Variants in GMEB1 observed in about 807,000 individuals in gnomAD.
GMEB1 encodes the protein glucocorticoid modulatory element binding protein 1.
Under a neutral mutation model 52.4 loss-of-function variants are expected in GMEB1, and 6 were observed. That is an observed-to-expected ratio of 0.11 (90% confidence interval 0.06 to 0.23). GMEB1 has a LOEUF of 0.23. Among genes scored for constraint, GMEB1 ranks in the 10% least tolerant of loss-of-function variants. GMEB1 has a pLI of 1.00. For missense variants in GMEB1, 486 were observed against 685.6 expected, an observed-to-expected ratio of 0.71 and a Z score of 3.25; for synonymous variants, 255 against 244.9, an observed-to-expected ratio of 1.04 and a Z score of -0.38.
chr1:28,690,223 TTGTCATTCTAATACC>T, intron 3 of GMEB1, 37 bp downstream of exon 3: 1 of 992,652 alleles, frequency 1.0e-6, no homozygotes. Context: ...TTTTTTTTTT[TTGTCATTCTAATACC>T]TTTGACTTTA....
intron 6 of GMEB1, 28 bp from the exon 7 acceptor site, chr1:28,702,403 ATTCACTG>A: frequency 6.3e-7 from 1 of 1,592,254 alleles, no homozygotes; most frequent in Non-Finnish European, 8.6e-7. Context: ...TTTTCGTTAA[ATTCACTG>A]TTCTCACCTC....
At chr1:28,707,455 G>A (rs995512750) in intron 8 of GMEB1, among the ~76,000 whole-genome samples, 1 of 152,028 alleles carries the variant, frequency 6.6e-6, no homozygotes. Flanking sequence ...GATTAGAGTG[G>A]GTAGCGGTAA....
At chr1:28,684,692 G>A (rs1669557399) in intron 2 of GMEB1, among the ~76,000 whole-genome samples, 1 of 151,690 alleles carries the variant, frequency 6.6e-6, no homozygotes, top group Admixed American at 6.6e-5. Context: ...TAAACAATGA[G>A]AACACATGGA....
At chr1:28,671,062 C>T (rs1049756042) in intron 1 of GMEB1, among the ~76,000 whole-genome samples, 4 of 152,132 alleles carry the variant, frequency 2.6e-5, no homozygotes, top group Non-Finnish European at 4.4e-5. Context: ...CTTAGAATTT[C>T]ACCTCCTCTG....
Position 28,714,903 on chromosome 1 carries a change from T to A in GMEB1, c.*130T>A. On this transcript the variant is annotated 3_prime_UTR_variant, in exon 10 of 10. Transcript: ENST00000373816. The stretch of plus-strand genomic sequence containing the variant: ...AAAAAAAAACAAAATCTTATTGTTG[T>A]AACTGAAAATGTTGGGTTCTTCCCA... 1.4e-6 allele frequency: 1 copy of A among 698,538 alleles called. No homozygotes were observed. Among genetic ancestry groups the A allele is most frequent in the Non-Finnish European group, 2.3e-6 (1 of 431,066 alleles). The allele number at this position is 698,538 out of a possible 1,614,324, so 43.3% of individuals were successfully genotyped here.
intron 9 of GMEB1, 30 bp downstream of exon 9, chr1:28,710,672 G>T: frequency 6.9e-7 from 1 of 1,444,576 alleles, no homozygotes; most frequent in Non-Finnish European, 9.2e-7. Flanking sequence ...CTTCTTCGGT[G>T]ATATCATGCT....
At position 28,692,971 on chromosome 1, in the gene GMEB1, C is replaced by G; in HGVS notation, c.366C>G (p.His122Gln). 6.8e-6 allele frequency: 11 copies of G among 1,608,314 alleles called. No homozygotes were observed. Among genetic ancestry groups the G allele is most frequent in the Non-Finnish European group, 9.3e-6 (11 of 1,176,638 alleles). Residue 122 changes from histidine (H) to glutamine (Q), a missense_variant, in exon 5 of 10, where the codon CAC (histidine) becomes CAG (glutamine). Around this residue, in one of 5 missense-constraint regions of GMEB1, gnomAD observed 43 missense variants for 117.5 expected, o/e 0.37. Coordinates refer to ENST00000373816, the MANE Select transcript of GMEB1 (RefSeq NM_001319674.2). Reference protein sequence around the residue: ...KFNDQLISPKHFVHLAGKSTL... With the variant: ...KFNDQLISPKQFVHLAGKSTL... ...ATGATCAGTTGATCAGCCCCAAGCA[C>G]TTTGTTCATCTGGCTGGCAAGTCCA...
intron 2 of GMEB1, among the ~76,000 whole-genome samples, chr1:28,688,179 A>C (rs1272785262): frequency 6.6e-6 from 1 of 152,180 alleles, no homozygotes; most frequent in East Asian, 1.9e-4. Flanking sequence ...GCTACTCGGG[A>C]GGCTGAGGCA....
intron 8 of GMEB1, among the ~76,000 whole-genome samples, chr1:28,705,445 CTTTTTTT>C (rs34597945): frequency 4.1e-5 from 5 of 123,088 alleles, no homozygotes; most frequent in Non-Finnish European, 8.5e-5. Flanking sequence ...TATGTATTTT[CTTTTTTT>C]TTTTTTTTTT....
intron 4 of GMEB1, among the ~76,000 whole-genome samples, chr1:28,692,249 T>G (rs1443997171): frequency 1.4e-5 from 2 of 143,124 alleles, no homozygotes; most frequent in African/African-American, 5.2e-5. Flanking sequence ...AAAAAACTAT[T>G]GGCTGGGTGA....
chr1:28,682,631 A>C (rs1669444473), intron 1 of GMEB1, among the ~76,000 whole-genome samples: 1 of 151,648 alleles, frequency 6.6e-6, no homozygotes, highest in East Asian at 1.9e-4. Context: ...AAAAAAAAAA[A>C]AAAAAAAAAG....
At chr1:28,689,769 C>G (rs964625904) in intron 2 of GMEB1, 11 of 188,206 alleles carry the variant, frequency 5.8e-5, no homozygotes, top group Non-Finnish European at 3.3e-5. Context: ...AACTAAAAAG[C>G]ATGGACTGTT....
In GMEB1 at chr1:28,692,201, T is replaced by C. The variant is rs190409070; in HGVS notation, c.336+492T>C. Among the ~76,000 whole-genome samples, 406 of 151,478 alleles carry C rather than the reference T, an allele frequency of 2.7e-3. 2 individuals are homozygous for C. Among genetic ancestry groups the C allele is most frequent in the African/African-American group, 9.5e-3 (394 of 41,280 alleles). On this transcript the variant is annotated intron_variant, in intron 4 of 9. Coordinates refer to ENST00000373816, the MANE Select transcript of GMEB1 (RefSeq NM_001319674.2). ...AATTTTTTGTAGAGATGGGGGGTTT[T>C]GCTATGTTGCCTAGGCTGGAAAACC...
At chr1:28,675,533 C>T (rs753746248) in intron 1 of GMEB1, among the ~76,000 whole-genome samples, 8 of 151,664 alleles carry the variant, frequency 5.3e-5, no homozygotes, top group Non-Finnish European at 8.8e-5. Context: ...TAAAAAAAGC[C>T]GAGCATGGTG....
Position 28,687,368 on chromosome 1 carries a change from ACACACAC to A in GMEB1, c.129-2735_129-2729del, listed in dbSNP as rs1402917029. 3.7e-3 allele frequency among the ~76,000 whole-genome samples: 265 copies of A among 71,372 alleles called. 15 individuals are homozygous for A. The highest frequency in any genetic ancestry group is 0.013 in the African/African-American group (249 of 19,826). 46.8% of individuals were successfully genotyped at this position (71,372 alleles called of 152,430 possible). On this transcript the variant is annotated intron_variant, in intron 2 of 9. Coordinates refer to ENST00000373816, the MANE Select transcript of GMEB1 (RefSeq NM_001319674.2). ...CACACACACACACACACACACACAC[ACACACAC>A]ACACACACACACAAAAAAAGACAGT...
chr1:28,701,942 A>G (rs559975460), intron 6 of GMEB1, among the ~76,000 whole-genome samples: 13 of 152,238 alleles, frequency 8.5e-5, no homozygotes, highest in Admixed American at 2.0e-4. Context: ...TCTGATTTTT[A>G]TGGTCTCCAT....
In GMEB1 at chr1:28,711,262, A is replaced by C. The variant is rs1211965818; in HGVS notation, c.991+620A>C. Among the ~76,000 whole-genome samples the C allele has an allele frequency of 2.7e-5, 4 of 150,470 alleles. No individual in the cohort carries two copies. The East Asian group carries it at 7.9e-4, about 30-fold the overall frequency. ...AATAGTGCCATTGTACTCCATCCTG[A>C]GGGACAAGAACGAGACTCTGTCTCA... On this transcript the variant is annotated intron_variant, in intron 9 of 9. Transcript: ENST00000373816.
At position 28,698,391 on chromosome 1, in the gene GMEB1, G is replaced by A. The variant is rs1274607507; in HGVS notation, c.598+1307G>A. On this transcript the variant is annotated intron_variant, in intron 6 of 9. Coordinates refer to ENST00000373816, the MANE Select transcript of GMEB1 (RefSeq NM_001319674.2). ...GACTCCGTCTTAAAAAAAAAAAAAA[G>A]AAGCCTGGGCATGGTGGCTCACGCC... 2.9e-3 allele frequency among the ~76,000 whole-genome samples: 433 copies of A among 148,070 alleles called. 2 individuals carry two copies. The highest frequency in any genetic ancestry group is 0.01 in the African/African-American group (420 of 40,390).
In GMEB1 at chr1:28,682,452, T is replaced by C. The variant is rs1669433703; in HGVS notation, c.-30-1131T>C. On this transcript the variant is annotated intron_variant, in intron 1 of 9. Coordinates refer to ENST00000373816, the MANE Select transcript of GMEB1 (RefSeq NM_001319674.2). Reference sequence around the variant, plus strand: ...CTGGCCAACACGGTGAAATCCCGTCTGTACTAAAAATCCAAAAATTAGCTG... The same window carrying C: ...CTGGCCAACACGGTGAAATCCCGTCCGTACTAAAAATCCAAAAATTAGCTG... 2.0e-5 allele frequency among the ~76,000 whole-genome samples: 3 copies of C among 151,926 alleles called. No individual in the cohort carries two copies. In the South Asian group the frequency reaches 6.2e-4, roughly 32 times the overall value.
Sources: gnomAD v4.1 joint callset for allele counts (sites outside exome capture counted in the v4.1 genomes callset) on GRCh38, gnomAD v4.1.1 for gene constraint, gnomAD v4.1.1 regional missense constraint, MANE v1.5 for transcripts, NCBI Gene and HGNC (gene_info 2026-07-23, HGNC 2026-07-21) for gene names.